Variants in EML6 observed in about 807,000 individuals in gnomAD.
EML6 encodes the protein echinoderm microtubule-associated protein-like 6.
Under a neutral mutation model 240.1 loss-of-function variants are expected in EML6, and 154 were observed. The observed-to-expected ratio is 0.64, with a 90% CI of 0.56 to 0.73. The LOEUF is 0.73. Ranked by LOEUF, EML6 falls within the 30% of genes least tolerant of loss-of-function variation. EML6 has a pLI of 0.00. For missense variants in EML6, 2,964 were observed against 2,474.6 expected, an observed-to-expected ratio of 1.20 and a Z score of -4.20; for synonymous variants, 1,148 against 899.0, an observed-to-expected ratio of 1.28 and a Z score of -4.95.
In EML6 at chr2:54,793,855, G is replaced by C. The variant is rs561397145; in HGVS notation, c.198-19377G>C. Among the ~76,000 whole-genome samples, 112 of 152,242 alleles carry C rather than the reference G, an allele frequency of 7.4e-4. 1 individual carries two copies. The highest frequency in any genetic ancestry group is 2.3e-3 in the African/African-American group (97 of 41,544). On this transcript the variant is annotated intron_variant, in intron 2 of 41. Coordinates refer to ENST00000356458, the MANE Select transcript of EML6 (RefSeq NM_001039753.4). ...ATGGCTGGAACTCCCTGGAACTCCA[G>C]CCTAGGTCTTTTCTCTTCCTTCCCC...
intron 16 of EML6, among the ~76,000 whole-genome samples, chr2:54,878,415 T>C (rs1440582511): frequency 3.3e-5 from 5 of 152,158 alleles, no homozygotes; most frequent in African/African-American, 1.2e-4. Context: ...GCACAGCTAG[T>C]GGAAGGGAGA....
chr2:54,895,346 A>C lies in EML6; in HGVS notation c.2928A>C (p.Lys976Asn). 1 of 1,552,030 alleles carries C rather than the reference A, an allele frequency of 6.4e-7. No homozygotes were observed. Among genetic ancestry groups the C allele is most frequent in the Non-Finnish European group, 8.7e-7 (1 of 1,146,992 alleles). ...LGHGHILVGTKNGEILEIDKS... is the reference protein window; with the variant it reads ...LGHGHILVGTNNGEILEIDKS... ...ATGGACATATCCTGGTGGGAACAAAAAATGGAGAGATTCTGGAAATTGATA... is the reference window on the plus strand; with the variant it reads ...ATGGACATATCCTGGTGGGAACAAACAATGGAGAGATTCTGGAAATTGATA... Residue 976 changes from lysine (K) to asparagine (N), a missense_variant, in exon 21 of 42, where the codon AAA becomes AAC. Lys to Asn is a moderately conservative substitution (Grantham distance 94). Coordinates refer to ENST00000356458, the MANE Select transcript of EML6 (RefSeq NM_001039753.4).
chr2:54,838,348 T>G (rs1669262644), intron 7 of EML6, among the ~76,000 whole-genome samples: 1 of 152,194 alleles, frequency 6.6e-6, no homozygotes, highest in African/African-American at 2.4e-5. Context: ...GGGTCATGTG[T>G]TGTTGTGTTG....
At chr2:54,738,706 G>C (rs755642739) in intron 2 of EML6, among the ~76,000 whole-genome samples, 19 of 152,150 alleles carry the variant, frequency 1.2e-4, no homozygotes, top group Admixed American at 8.5e-4. Flanking sequence ...ATACTATGTT[G>C]ATGAGATTCA....
intron 4 of EML6, among the ~76,000 whole-genome samples, chr2:54,819,773 G>GAAAAAA (rs375657743): frequency 1.6e-5 from 2 of 123,106 alleles, no homozygotes; most frequent in Non-Finnish European, 1.6e-5. Context: ...GACTGTCTCA[G>GAAAAAA]AAAAAAAAAA....
chr2:54,857,767 C>T (rs1250403563), intron 11 of EML6, among the ~76,000 whole-genome samples: 3 of 152,024 alleles, frequency 2.0e-5, no homozygotes, highest in African/African-American at 7.3e-5. Context: ...ACAGAGGAAA[C>T]AGCAAAGGCC....
At position 54,829,618 on chromosome 2, in the gene EML6, AG is replaced by A. The variant is rs1668766910; in HGVS notation, c.847+142del. 4.8e-6 allele frequency: 3 copies of A among 623,610 alleles called. No individual in the cohort carries two copies. In the East Asian group the frequency reaches 8.9e-5, roughly 18 times the overall value. The allele number at this position is 623,610 out of a possible 1,614,324, so 38.6% of individuals were successfully genotyped here. ...TGAATACAAGCAAAAGTATGTTAAA[AG>A]TAAATGGATGTCCTTTTTCCTAATT... is the stretch of plus-strand genomic sequence containing the variant. On this transcript the variant is annotated intron_variant, in intron 7 of 41. Coordinates refer to ENST00000356458, the MANE Select transcript of EML6 (RefSeq NM_001039753.4).
chr2:54,765,829 C>G (rs548805868), intron 2 of EML6, among the ~76,000 whole-genome samples: 1 of 152,276 alleles, frequency 6.6e-6, no homozygotes, highest in African/African-American at 2.4e-5. Context: ...ATACTTTAAC[C>G]ATTTCTTATC....
At chr2:54,870,654 A>G (rs1344069953) in intron 15 of EML6, among the ~76,000 whole-genome samples, 5 of 151,800 alleles carry the variant, frequency 3.3e-5, no homozygotes, top group African/African-American at 1.2e-4. Flanking sequence ...ATTCACGTGT[A>G]TTTAATAGCC....
chr2:54,921,866 A>G (rs1488633779), intron 26 of EML6, among the ~76,000 whole-genome samples: 2 of 152,146 alleles, frequency 1.3e-5, no homozygotes, highest in Non-Finnish European at 2.9e-5. Flanking sequence ...GGGAAACTGG[A>G]TATCTACATT....
intron 4 of EML6, among the ~76,000 whole-genome samples, chr2:54,818,388 C>CA (rs1352137467): frequency 6.6e-6 from 1 of 152,186 alleles, no homozygotes; most frequent in Admixed American, 6.5e-5. Context: ...ACTTCCGTAA[C>CA]AAATAGCTGA....
rs1558556965 is a variant in EML6, at chr2:54,797,176, A to AC, written c.198-16056_198-16055insC. 1.7e-3 allele frequency among the ~76,000 whole-genome samples: 248 copies of AC among 141,776 alleles called. 6 individuals carry two copies. The highest frequency in any genetic ancestry group is 5.6e-3 in the African/African-American group (221 of 39,770). The allele number at this position is 141,776 out of a possible 152,430, so 93.0% of individuals were successfully genotyped here. A position where few individuals can be genotyped will look rare whatever the true frequency, so the allele number is the denominator to read the frequency against. ...CAAGACTCCATCTCAAAAAAAAAAA[A>AC]AAAAAAAAAAAAACTGTGATCTTGT... On this transcript the variant is annotated intron_variant, in intron 2 of 41. Coordinates refer to ENST00000356458, the MANE Select transcript of EML6 (RefSeq NM_001039753.4).
chr2:54,742,725 C>T (rs1558519451), intron 2 of EML6, among the ~76,000 whole-genome samples: 1 of 152,202 alleles, frequency 6.6e-6, no homozygotes, highest in African/African-American at 2.4e-5. Context: ...TTCCTCTAGA[C>T]ACACTGGTAG....
intron 6 of EML6, among the ~76,000 whole-genome samples, chr2:54,828,019 G>GAT (rs1460440273): frequency 6.6e-6 from 1 of 152,200 alleles, no homozygotes; most frequent in African/African-American, 2.4e-5. Flanking sequence ...TAGCTCATCA[G>GAT]ATTCATCTTA....
chr2:54,861,391 G>T (rs767606354), intron 12 of EML6, among the ~76,000 whole-genome samples: 1 of 152,188 alleles, frequency 6.6e-6, no homozygotes, highest in African/African-American at 2.4e-5. Context: ...CACTTCAGGA[G>T]TTATCTCCCC....
In EML6 at chr2:54,971,896, G is replaced by A. The variant is rs971979323; in HGVS notation, c.*1801G>A. 13 of 152,206 alleles carry A rather than the reference G, an allele frequency of 8.5e-5. No individual in the cohort carries two copies. The highest frequency in any genetic ancestry group is 2.4e-4 in the African/African-American group (10 of 41,444). 9.4% of individuals were successfully genotyped at this position (152,206 alleles called of 1,614,324 possible). A position where few individuals can be genotyped will look rare whatever the true frequency, so the allele number is the denominator to read the frequency against. ...TTATATGGTATGATTTTGATTTTAT[G>A]TATGTTCATAAATCCTGCACTGTAT... is the stretch of plus-strand genomic sequence containing the variant. On this transcript the variant is annotated 3_prime_UTR_variant, in exon 42 of 42. Coordinates refer to ENST00000356458, the MANE Select transcript of EML6 (RefSeq NM_001039753.4).
At chr2:54,941,002 A>G (rs892460622) in intron 28 of EML6, among the ~76,000 whole-genome samples, 1 of 152,262 alleles carries the variant, frequency 6.6e-6, no homozygotes, top group Non-Finnish European at 1.5e-5. Flanking sequence ...GGAAGGATGT[A>G]GACAGGTTTC....
chr2:54,907,338 C>T (rs988479018), intron 24 of EML6, among the ~76,000 whole-genome samples: 3 of 152,050 alleles, frequency 2.0e-5, no homozygotes, highest in Non-Finnish European at 4.4e-5. Flanking sequence ...GAAACCCTAT[C>T]TCTACTAAAA....
At chr2:54,814,916 A>C (rs1193119089) in intron 3 of EML6, among the ~76,000 whole-genome samples, 1 of 152,200 alleles carries the variant, frequency 6.6e-6, no homozygotes, top group African/African-American at 2.4e-5. Context: ...ACATAAAGAG[A>C]TAATAGCTGG....
Sources: allele counts gnomAD v4.1 joint callset (sites outside exome capture counted in the v4.1 genomes callset), GRCh38; gene constraint gnomAD v4.1.1; transcripts MANE v1.5; gene names NCBI Gene and HGNC (gene_info 2026-07-23, HGNC 2026-07-21).